The following C1QTNF3 variants were observed in gnomAD, a reference collection of about 807,000 sequenced individuals.
The protein encoded by C1QTNF3 is complement C1q tumor necrosis factor-related protein 3.
Under a neutral mutation model 32.6 loss-of-function variants are expected in C1QTNF3, and 26 were observed. The ratio of observed to expected loss-of-function variants is 0.80; its 90% CI spans 0.58 to 1.11. The LOEUF is 1.11. C1QTNF3 is among the 50% of genes least tolerant of loss of function. The pLI is 0.00. For missense variants in C1QTNF3, 362 were observed against 398.2 expected, an observed-to-expected ratio of 0.91 and a Z score of 0.77; for synonymous variants, 155 against 146.0, an observed-to-expected ratio of 1.06 and a Z score of -0.44.
chr5:34,030,324 G>C (rs1326694965), intron 3 of C1QTNF3, among the ~76,000 whole-genome samples: 1 of 152,206 alleles, frequency 6.6e-6, no homozygotes, highest in Non-Finnish European at 1.5e-5. Context: ...GAATTAACTT[G>C]AGAAACCTGC....
the C1QTNF3 span, among the ~76,000 whole-genome samples, chr5:34,222,233 T>C: frequency 6.6e-6 from 1 of 151,924 alleles, no homozygotes; most frequent in African/African-American, 2.4e-5. Flanking sequence ...ACCTTAGGGA[T>C]TGTGTCAATT....
At chr5:34,161,998 T>A in the C1QTNF3 span, among the ~76,000 whole-genome samples, 1 of 152,222 alleles carries the variant, frequency 6.6e-6, no homozygotes, top group Non-Finnish European at 1.5e-5. Context: ...TTTCTTCCTT[T>A]TATCCTTCAT....
chr5:34,087,825 C>T, the C1QTNF3 span, among the ~76,000 whole-genome samples: 2 of 152,230 alleles, frequency 1.3e-5, no homozygotes, highest in African/African-American at 4.8e-5. Context: ...CTCAAGCGAT[C>T]TCTCTGCCTT....
At chr5:34,102,398 T>C in the C1QTNF3 span, among the ~76,000 whole-genome samples, 1 of 152,046 alleles carries the variant, frequency 6.6e-6, no homozygotes, top group South Asian at 2.1e-4. Context: ...CCAATAACTA[T>C]ACTTTCATTA....
chr5:34,239,490 T>C, the C1QTNF3 span: 1 of 151,970 alleles, frequency 6.6e-6, no homozygotes, highest in East Asian at 1.9e-4. Context: ...GTAACTATTC[T>C]TATATCAGAT....
the C1QTNF3 span, among the ~76,000 whole-genome samples, chr5:34,125,171 A>C: frequency 1.3e-5 from 2 of 152,168 alleles, no homozygotes; most frequent in Non-Finnish European, 2.9e-5. Context: ...CCAGATGACA[A>C]ATTGCTAAGC....
chr5:34,065,654 G>A, the C1QTNF3 span, among the ~76,000 whole-genome samples: 1 of 139,490 alleles, frequency 7.2e-6, no homozygotes, highest in South Asian at 2.5e-4. Context: ...GCAACAAGAG[G>A]GAAACTCCAT....
At chr5:34,215,469 G>A in the C1QTNF3 span, among the ~76,000 whole-genome samples, 1 of 152,116 alleles carries the variant, frequency 6.6e-6, no homozygotes, top group African/African-American at 2.4e-5. Flanking sequence ...CTGTGGTTCT[G>A]GCCTCCAGGG....
chr5:34,221,285 A>G, the C1QTNF3 span, among the ~76,000 whole-genome samples: 5 of 152,044 alleles, frequency 3.3e-5, no homozygotes, highest in Non-Finnish European at 7.4e-5. Context: ...GATACTAACA[A>G]CTTGATTGGT....
the C1QTNF3 span, among the ~76,000 whole-genome samples, chr5:34,132,435 G>GTGTATATATATA: frequency 2.2e-5 from 3 of 137,726 alleles, no homozygotes; most frequent in Admixed American, 7.2e-5. Flanking sequence ...GTATGTGTAT[G>GTGTATATATATA]TATATATATA....
the C1QTNF3 span, among the ~76,000 whole-genome samples, chr5:34,211,716 T>C: frequency 6.6e-6 from 1 of 151,960 alleles, no homozygotes; most frequent in Non-Finnish European, 1.5e-5. Context: ...ACAAAGGACA[T>C]GAACTCATCA....
chr5:34,098,739 G>A, the C1QTNF3 span, among the ~76,000 whole-genome samples: 1 of 152,004 alleles, frequency 6.6e-6, no homozygotes, highest in Non-Finnish European at 1.5e-5. Context: ...AAGGAACTAG[G>A]GAAATCTGAG....
chr5:34,030,411 TCCACC>T (rs1379070213), intron 3 of C1QTNF3, among the ~76,000 whole-genome samples: 1 of 152,188 alleles, frequency 6.6e-6, no homozygotes, highest in African/African-American at 2.4e-5. Flanking sequence ...GAGATTAAGG[TCCACC>T]TCTCTTAATT....
At chr5:34,066,652 T>A in the C1QTNF3 span, among the ~76,000 whole-genome samples, 44 of 152,202 alleles carry the variant, frequency 2.9e-4, no homozygotes, top group East Asian at 8.1e-3. Context: ...TATTTGAAAA[T>A]GTAAAATATA....
At chr5:34,197,716 G>T in the C1QTNF3 span, among the ~76,000 whole-genome samples, 3 of 151,970 alleles carry the variant, frequency 2.0e-5, no homozygotes, top group African/African-American at 7.3e-5. Context: ...TGTGTTGGAA[G>T]GTCCATGTCT....
the C1QTNF3 span, among the ~76,000 whole-genome samples, chr5:34,072,815 CTTGT>C: frequency 5.9e-5 from 9 of 152,106 alleles, no homozygotes; most frequent in African/African-American, 9.6e-5. Flanking sequence ...CTCAACCTGT[CTTGT>C]TTATTTTTCA....
chr5:34,243,756 TA>T, the C1QTNF3 span, among the ~76,000 whole-genome samples: 1 of 151,620 alleles, frequency 6.6e-6, no homozygotes, highest in African/African-American at 2.4e-5. Context: ...AAGTGGAACC[TA>T]AACATTGAGC....
At chr5:34,235,133 C>A in the C1QTNF3 span, among the ~76,000 whole-genome samples, 1 of 152,132 alleles carries the variant, frequency 6.6e-6, no homozygotes, top group Non-Finnish European at 1.5e-5. Flanking sequence ...GAGAAAACAA[C>A]TTCCCTGATT....
the C1QTNF3 span, among the ~76,000 whole-genome samples, chr5:34,217,104 G>T: frequency 3.3e-5 from 5 of 152,058 alleles, no homozygotes; most frequent in African/African-American, 4.8e-5. Flanking sequence ...TTGCCAAAAA[G>T]AATTGATTAT....
Sources: allele counts gnomAD v4.1 joint callset (sites outside exome capture counted in the v4.1 genomes callset), GRCh38; gene constraint gnomAD v4.1.1; transcripts MANE v1.5; gene names NCBI Gene and HGNC (gene_info 2026-07-23, HGNC 2026-07-21).